Variants in STAG2 observed in about 807,000 individuals in gnomAD.
The protein encoded by STAG2 is cohesin subunit SA-2.
Under a neutral mutation model 108.1 loss-of-function variants are expected in STAG2, and 14 were observed. The ratio of observed to expected loss-of-function variants is 0.13; its 90% CI spans 0.09 to 0.20. STAG2 has a LOEUF of 0.20. Ranked by LOEUF, STAG2 falls within the 10% of genes least tolerant of loss-of-function variation. The pLI is 1.00. For synonymous variants in STAG2, 307 were observed against 302.7 expected (o/e 1.01, Z -0.15); for missense variants, 440 against 940.9 (o/e 0.47, Z 6.96).
Position 124,061,768 on chromosome X carries a change from T to TTTTTTC in STAG2, c.1535-3_1535-2insTTTTTC. The TTTTTTC allele has an allele frequency of 1.1e-6, 1 of 895,487 alleles. No individual in the cohort carries two copies. Among genetic ancestry groups the TTTTTTC allele is most frequent in the Admixed American group, 3.4e-5 (1 of 29,066 alleles). The allele number at this position is 895,487 out of a possible 1,213,427, so 73.8% of individuals were successfully genotyped here. A position where few individuals can be genotyped will look rare whatever the true frequency, so the allele number is the denominator to read the frequency against. ...CTTTTTTTTTTTTTTTTTTTTTTTT[T>TTTTTTC]AGCACTAACAGATAGGCAAGAGAGT... On this transcript the variant is annotated splice_polypyrimidine_tract_variant and splice_region_variant and intron_variant, in intron 16 of 34. Transcript: ENST00000371145.
chrX:124,045,649 G>T (rs1487653258), intron 8 of STAG2, among the ~76,000 whole-genome samples: 6 of 111,029 alleles, frequency 5.4e-5, no homozygotes. Context: ...TATGTGTTGG[G>T]TTCTTGAAAA....
At position 124,090,628 on chromosome X, in the gene STAG2, C is replaced by T. The variant is rs2148488746; in HGVS notation, c.3331C>T (p.His1111Tyr). ...SMWLSREQTL[H>Y]TPVMMQTPQL... ...GTGGTTAAGCAGAGAACAAACACTG[C>T]ACACCCCTGTTATGATGCAGACACC... The change falls in exon 31 of 35, where the codon CAC (histidine) becomes TAC (tyrosine). Residue 1111 changes from histidine (H) to tyrosine (Y), a missense_variant. His to Tyr is a moderately conservative substitution (Grantham distance 83). Coordinates refer to ENST00000371145, the MANE Select transcript of STAG2 (RefSeq NM_001042750.2). 1.7e-6 allele frequency: 2 copies of T among 1,210,803 alleles called. No homozygotes were observed. Among genetic ancestry groups the T allele is most frequent in the South Asian group, 1.8e-5 (1 of 56,941 alleles).
intron 24 of STAG2, among the ~76,000 whole-genome samples, chrX:124,069,851 T>C (rs1405941800): frequency 8.9e-6 from 1 of 111,894 alleles, no homozygotes; most frequent in African/African-American, 3.2e-5. Context: ...AGGAACAAGA[T>C]TTCTGATGGT....
At chrX:123,980,455 T>C (rs2054824428) in intron 1 of STAG2, among the ~76,000 whole-genome samples, 1 of 111,858 alleles carries the variant, frequency 8.9e-6, no homozygotes, top group Non-Finnish European at 1.9e-5. Context: ...CCAGATGGCA[T>C]GTTCTCCCAT....
chrX:124,072,765 A>G (rs1307416428), intron 25 of STAG2, among the ~76,000 whole-genome samples: 2 of 109,610 alleles, frequency 1.8e-5, no homozygotes, highest in Non-Finnish European at 1.9e-5. Context: ...CAGTGGCACA[A>G]TCTTGGCTCA....
At chrX:124,050,814 C>T (rs1328303198) in intron 11 of STAG2, among the ~76,000 whole-genome samples, 1 of 111,595 alleles carries the variant, frequency 9.0e-6, no homozygotes, top group Non-Finnish European at 1.9e-5. Context: ...CCAAACATTA[C>T]TTCCCATAGT....
intron 1 of STAG2, among the ~76,000 whole-genome samples, chrX:123,989,707 C>T (rs1202282689): frequency 9.3e-6 from 1 of 107,411 alleles, no homozygotes; most frequent in Non-Finnish European, 1.9e-5. Context: ...CGTGTTCAAG[C>T]AGTTCTCTGC....
At chrX:123,976,524 T>G (rs1333672883) in intron 1 of STAG2, among the ~76,000 whole-genome samples, 7 of 108,523 alleles carry the variant, frequency 6.5e-5, no homozygotes, top group East Asian at 2.8e-4. Flanking sequence ...GAAACCTTCG[T>G]TTTTTTTTAA....
intron 24 of STAG2, among the ~76,000 whole-genome samples, chrX:124,070,508 G>A (rs1426706158): frequency 1.8e-5 from 2 of 111,614 alleles, no homozygotes; most frequent in African/African-American, 6.5e-5. Flanking sequence ...AAAACCCATG[G>A]CAGAGTTTTT....
At chrX:124,025,518 C>CA (rs994452384) in intron 3 of STAG2, among the ~76,000 whole-genome samples, 2 of 110,908 alleles carry the variant, frequency 1.8e-5, no homozygotes, top group African/African-American at 6.5e-5. Context: ...GAAATGGAAC[C>CA]AACGATTACA....
chrX:124,046,661 A>G (rs1466572420), intron 8 of STAG2, among the ~76,000 whole-genome samples: 1 of 111,993 alleles, frequency 8.9e-6, no homozygotes, highest in Admixed American at 9.5e-5. Flanking sequence ...TTTAAATCCC[A>G]GGCAATAAGA....
At chrX:123,972,866 CAAAAAA>C (rs747333406) in intron 1 of STAG2, among the ~76,000 whole-genome samples, 99 of 21,920 alleles carry the variant, frequency 4.5e-3, no homozygotes, top group Non-Finnish European at 5.4e-3. Context: ...ACCAAAAATA[CAAAAAA>C]AAAAAAAAAA....
chrX:123,998,908 C>T (rs1188682332), intron 1 of STAG2, among the ~76,000 whole-genome samples: 1 of 110,435 alleles, frequency 9.1e-6, no homozygotes, highest in African/African-American at 3.3e-5. Context: ...ATCACGAGAC[C>T]AGCCTGGGCA....
intron 14 of STAG2, 120 bp downstream of exon 14, chrX:124,056,355 A>G (rs901570713): frequency 3.3e-5 from 11 of 330,078 alleles, no homozygotes; most frequent in Middle Eastern, 9.0e-4. Flanking sequence ...ACTACAGATC[A>G]TATCGAAGCT....
chrX:123,972,850 C>A (rs1383479294), intron 1 of STAG2, among the ~76,000 whole-genome samples: 2 of 81,240 alleles, frequency 2.5e-5, no homozygotes, highest in East Asian at 4.1e-4. Context: ...GAAACTCCCC[C>A]CCTCTACCAA....
intron 1 of STAG2, among the ~76,000 whole-genome samples, chrX:124,008,658 T>A (rs1205692765): frequency 8.9e-6 from 1 of 112,091 alleles, no homozygotes; most frequent in East Asian, 2.8e-4. Context: ...TTGCAATTAA[T>A]TTATTAATCA....
chrX:124,060,987 A>AT (rs1050966343), intron 15 of STAG2, among the ~76,000 whole-genome samples: 1 of 108,439 alleles, frequency 9.2e-6, no homozygotes, highest in African/African-American at 3.3e-5. Flanking sequence ...ATAATAAAAA[A>AT]TTTTTTTCAT....
intron 34 of STAG2, among the ~76,000 whole-genome samples, chrX:124,098,006 T>A (rs1442069257): frequency 9.1e-6 from 1 of 109,448 alleles, no homozygotes; most frequent in Non-Finnish European, 1.9e-5. Context: ...TTTTCTTAGT[T>A]ACATACTAGA....
chrX:124,001,693 GT>G (rs1483590128), intron 1 of STAG2, among the ~76,000 whole-genome samples: 4 of 111,811 alleles, frequency 3.6e-5, no homozygotes, highest in African/African-American at 1.3e-4. Context: ...TACTGTATAG[GT>G]TTGTAGCCTA....
Sources: allele counts gnomAD v4.1 joint callset (sites outside exome capture counted in the v4.1 genomes callset), GRCh38; gene constraint gnomAD v4.1.1; transcripts MANE v1.5; gene names NCBI Gene and HGNC (gene_info 2026-07-23, HGNC 2026-07-21).